PCDH15: variants seen among roughly 807,000 people sequenced by gnomAD.
PCDH15 encodes protocadherin-15.
PCDH15 carries 129 observed loss-of-function variants against 178.5 expected under a neutral mutation model. The ratio of observed to expected loss-of-function variants is 0.72; its 90% confidence interval spans 0.63 to 0.84. The LOEUF (loss-of-function observed/expected upper bound fraction) is 0.84, where lower values mean the gene tolerates loss of function less well. PCDH15 is among the 40% of genes least tolerant of loss of function. PCDH15 has a pLI of 0.00. For missense variants in PCDH15, 2,230 were observed against 2,099.9 expected, an observed-to-expected ratio of 1.06 and a Z score of -1.21; for synonymous variants, 800 against 732.0, an observed-to-expected ratio of 1.09 and a Z score of -1.50.
At chr10:54,121,451 C>A (rs903462991) in intron 15 of PCDH15, among the ~76,000 whole-genome samples, 1 of 151,928 alleles carries the variant, frequency 6.6e-6, no homozygotes, top group Non-Finnish European at 1.5e-5. Context: ...TAGAGTTGAA[C>A]CAAATGAAAT....
chr10:55,223,780 C>T (rs535789060), intron 1 of PCDH15, among the ~76,000 whole-genome samples: 8 of 152,198 alleles, frequency 5.3e-5, no homozygotes, highest in Middle Eastern at 3.4e-3. Flanking sequence ...AAACTCTGGT[C>T]TTTAAAATAA....
intron 1 of PCDH15, among the ~76,000 whole-genome samples, chr10:55,254,084 C>T (rs971840969): frequency 7.2e-5 from 11 of 152,100 alleles, no homozygotes; most frequent in South Asian, 6.2e-4. Context: ...GGCATGAAAA[C>T]GCATTTATTA....
intron 2 of PCDH15, among the ~76,000 whole-genome samples, chr10:55,119,334 TTTA>T (rs1349233050): frequency 6.6e-6 from 1 of 152,136 alleles, no homozygotes; most frequent in Non-Finnish European, 1.5e-5. Flanking sequence ...TTTTCCTAGT[TTTA>T]TTTTAAAACT....
intron 3 of PCDH15, among the ~76,000 whole-genome samples, chr10:54,437,604 C>G (rs1480206484): frequency 6.6e-6 from 1 of 152,110 alleles, no homozygotes; most frequent in Admixed American, 6.5e-5. Flanking sequence ...TGTCTCAACT[C>G]ATGGTATCTT....
Position 53,959,173 on chromosome 10 carries a change from T to C in PCDH15, c.3122+559A>G, listed in dbSNP as rs1002083058. 2.0e-5 allele frequency among the ~76,000 whole-genome samples: 3 copies of C among 147,646 alleles called. No homozygotes were observed. In the Admixed American group the frequency reaches 2.0e-4, roughly 10 times the overall value. On this transcript the variant is annotated intron_variant, in intron 23 of 37. Transcript: ENST00000644397. Reference sequence around the variant, plus strand: ...TATATGTATTATATATGTGTATATATAGTGTGTATATATATATACACACAG... The same window carrying C: ...TATATGTATTATATATGTGTATATACAGTGTGTATATATATATACACACAG...
intron 1 of PCDH15, among the ~76,000 whole-genome samples, chr10:55,291,549 G>A (rs569358979): frequency 1.3e-5 from 2 of 152,276 alleles, no homozygotes; most frequent in Non-Finnish European, 2.9e-5. Context: ...GATTAAATAA[G>A]TGAAATCCCT....
chr10:55,343,734 A>G (rs1371825636), intron 2 of PCDH15, among the ~76,000 whole-genome samples: 1 of 152,136 alleles, frequency 6.6e-6, no homozygotes, highest in Non-Finnish European at 1.5e-5. Context: ...TGAGGGTGGA[A>G]GTAAATGATT....
At chr10:54,758,415 G>A (rs947670043) in intron 1 of PCDH15, among the ~76,000 whole-genome samples, 6 of 152,084 alleles carry the variant, frequency 3.9e-5, no homozygotes, top group Admixed American at 6.6e-5. Context: ...TGTTGCTGAC[G>A]CTTTTTGGAT....
intron 2 of PCDH15, among the ~76,000 whole-genome samples, chr10:55,046,941 G>T (rs1841021244): frequency 6.6e-6 from 1 of 151,788 alleles, no homozygotes; most frequent in South Asian, 2.1e-4. Context: ...AAAAAGAAAT[G>T]ACTCTTTTAA....
At chr10:54,535,432 C>T (rs895595539) in intron 2 of PCDH15, among the ~76,000 whole-genome samples, 3 of 152,000 alleles carry the variant, frequency 2.0e-5, no homozygotes, top group Admixed American at 6.5e-5. Context: ...GAAGTTTGGC[C>T]GGATGCGGTG....
chr10:54,533,825 T>G (rs1288821673), intron 2 of PCDH15, among the ~76,000 whole-genome samples: 1 of 152,174 alleles, frequency 6.6e-6, no homozygotes, highest in East Asian at 1.9e-4. Context: ...TCCTTAGCTT[T>G]AACCATTTCA....
chr10:55,591,802 A>T (rs140610436), intron 2 of PCDH15, among the ~76,000 whole-genome samples: 68 of 152,274 alleles, frequency 4.5e-4, no homozygotes, highest in African/African-American at 1.6e-3. Context: ...AAAAAATTTT[A>T]AAAAGCAATG....
intron 8 of PCDH15, among the ~76,000 whole-genome samples, chr10:54,239,180 A>G (rs1286282512): frequency 6.6e-6 from 1 of 152,078 alleles, no homozygotes; most frequent in African/African-American, 2.4e-5. Flanking sequence ...TCATCTATTT[A>G]TTTCTATAGA....
At chr10:55,580,328 C>G (rs1842585254) in intron 2 of PCDH15, among the ~76,000 whole-genome samples, 1 of 151,186 alleles carries the variant, frequency 6.6e-6, no homozygotes, top group Non-Finnish European at 1.5e-5. Flanking sequence ...AAATATATGG[C>G]TATATGGCTT....
chr10:54,892,668 C>T (rs1183416545), intron 3 of PCDH15, among the ~76,000 whole-genome samples: 2 of 149,302 alleles, frequency 1.3e-5, no homozygotes, highest in African/African-American at 2.5e-5. Flanking sequence ...TGGAATATTC[C>T]ATCACTGAAT....
At chr10:55,006,305 T>C (rs1348930181) in intron 2 of PCDH15, among the ~76,000 whole-genome samples, 2 of 152,138 alleles carry the variant, frequency 1.3e-5, no homozygotes, top group Admixed American at 1.3e-4. Context: ...TACCTTTCTA[T>C]TTTCTCTATT....
At chr10:55,028,449 C>T (rs1394908532) in intron 2 of PCDH15, among the ~76,000 whole-genome samples, 1 of 151,794 alleles carries the variant, frequency 6.6e-6, no homozygotes, top group East Asian at 1.9e-4. Flanking sequence ...ACACATACTA[C>T]CTGAAAAAGA....
At chr10:55,578,313 G>GCTCAAGTGA (rs1178424029) in intron 2 of PCDH15, among the ~76,000 whole-genome samples, 1 of 152,080 alleles carries the variant, frequency 6.6e-6, no homozygotes, top group Non-Finnish European at 1.5e-5. Context: ...CACCTCCTGG[G>GCTCAAGTGA]TTCAAGTGAT....
intron 2 of PCDH15, among the ~76,000 whole-genome samples, chr10:55,557,870 A>C (rs1456777936): frequency 6.6e-6 from 1 of 152,110 alleles, no homozygotes; most frequent in Admixed American, 6.6e-5. Flanking sequence ...AGGTTTACTT[A>C]GTGGTCTGGG....
Sources: allele counts gnomAD v4.1 joint callset (sites outside exome capture counted in the v4.1 genomes callset), GRCh38; gene constraint gnomAD v4.1.1; transcripts MANE v1.5; gene names NCBI Gene and HGNC (gene_info 2026-07-23, HGNC 2026-07-21).